The following ARID3A variants were observed in gnomAD, a reference collection of about 807,000 sequenced individuals.
ARID3A encodes AT-rich interactive domain-containing protein 3A.
ARID3A carries 11 observed loss-of-function variants against 52.7 expected under a neutral mutation model. That is an observed-to-expected ratio of 0.21 (90% confidence interval 0.13 to 0.35). ARID3A has a LOEUF of 0.35. Ranked by LOEUF, ARID3A falls within the 10% of genes least tolerant of loss-of-function variation. ARID3A has a pLI of 1.00. For synonymous variants in ARID3A, 404 were observed against 359.4 expected (o/e 1.12, Z -1.40); for missense variants, 721 against 838.5 (o/e 0.86, Z 1.73).
At chr19:966,406 T>C (rs1401238024) in intron 6 of ARID3A, among the ~76,000 whole-genome samples, 166 bp from the exon 7 acceptor site, 7 of 143,712 alleles carry the variant, frequency 4.9e-5, no homozygotes, top group Non-Finnish European at 1.0e-4. Flanking sequence ...TGCGGTGAGC[T>C]GAGATCGCAC....
chr19:958,549 C>T (rs1005107385), intron 3 of ARID3A, among the ~76,000 whole-genome samples: 4 of 152,158 alleles, frequency 2.6e-5, no homozygotes, highest in South Asian at 2.1e-4. Context: ...CATACAATCA[C>T]GTGTTGACAC....
Position 960,083 on chromosome 19 carries a change from C to T in ARID3A, c.694-9C>T, listed in dbSNP as rs959701345. The T allele has an allele frequency of 8.7e-6, 14 of 1,611,500 alleles. No individual in the cohort carries two copies. The highest frequency in any genetic ancestry group is 1.2e-5 in the Non-Finnish European group (14 of 1,178,460). On this transcript the variant is annotated splice_polypyrimidine_tract_variant and intron_variant, in intron 3 of 8. Transcript: ENST00000263620. The surrounding 1 kb of genome is among the most constrained non-coding windows in gnomAD (Gnocchi z 4.3). Reference sequence around the variant, plus strand: ...CACCAACTAACCCATCCCCTCTCCACCCTCACAGCTCTACGAACTCGACGG... The same window carrying T: ...CACCAACTAACCCATCCCCTCTCCATCCTCACAGCTCTACGAACTCGACGG...
At chr19:953,781 A>T (rs550833106) in intron 3 of ARID3A, among the ~76,000 whole-genome samples, 1 of 152,040 alleles carries the variant, frequency 6.6e-6, no homozygotes, top group Non-Finnish European at 1.5e-5. Flanking sequence ...TTTTACATAG[A>T]AAGACGCCAA....
intron 3 of ARID3A, among the ~76,000 whole-genome samples, chr19:935,861 G>A (rs897742855): frequency 6.6e-6 from 1 of 152,184 alleles, no homozygotes; most frequent in African/African-American, 2.4e-5. Context: ...CGCGATCGCG[G>A]CTCACTGCAA....
rs1188478811 is a variant in ARID3A at position 975,118 on chromosome 19, G to A, written c.*3053G>A. Reference sequence around the variant, plus strand: ...TTTAAATTCGGTGTGGCTTTCTGGGGTGCAGCTCAGCACCCCCCCTTATGC... The same window carrying A: ...TTTAAATTCGGTGTGGCTTTCTGGGATGCAGCTCAGCACCCCCCCTTATGC... On this transcript the variant is annotated 3_prime_UTR_variant, in exon 9 of 9. Transcript: ENST00000263620. 8.6e-6 allele frequency: 2 copies of A among 231,332 alleles called. No homozygotes were observed. The highest frequency in any genetic ancestry group is 1.7e-5 in the Non-Finnish European group (2 of 117,076). 14.3% of individuals were successfully genotyped at this position (231,332 alleles called of 1,614,324 possible).
chr19:929,510 T>A lies in ARID3A; in HGVS notation c.-19T>A. ...GTGGTGGTGGTGGTGGTGGTGGTGGTGGCCCGGGCCGCAGGGCCATGAAAC... is the reference window on the plus strand; with the variant it reads ...GTGGTGGTGGTGGTGGTGGTGGTGGAGGCCCGGGCCGCAGGGCCATGAAAC... On this transcript the variant is annotated 5_prime_UTR_variant, in exon 2 of 9. Transcript: ENST00000263620. The surrounding 1 kb of genome is among the most constrained non-coding windows in gnomAD (Gnocchi z 6.2). 2 of 1,328,234 alleles carry A rather than the reference T, an allele frequency of 1.5e-6. No homozygotes were observed. Among genetic ancestry groups the A allele is most frequent in the Non-Finnish European group, 2.0e-6 (2 of 1,020,430 alleles). The allele number at this position is 1,328,234 out of a possible 1,614,324, so 82.3% of individuals were successfully genotyped here. A position where few individuals can be genotyped will look rare whatever the true frequency, so the allele number is the denominator to read the frequency against.
At chr19:927,204 C>T (rs1308187625) in intron 1 of ARID3A, among the ~76,000 whole-genome samples, 6 of 152,034 alleles carry the variant, frequency 3.9e-5, no homozygotes, top group African/African-American at 1.4e-4. Context: ...GGCCCAGGAT[C>T]CCTCCGCCCC....
chr19:930,603 G>A (rs539327845), intron 2 of ARID3A, among the ~76,000 whole-genome samples: 6 of 148,580 alleles, frequency 4.0e-5, no homozygotes, highest in East Asian at 4.2e-4. Context: ...TCCTCCTCCC[G>A]GGTTCACACC....
rs763786581 is a variant in ARID3A at position 929,581 on chromosome 19, G to A, written c.53G>A (p.Arg18His). ...CTGTTGCAGCGGCAGCAGCGGGCGCGCCAGGAGCTGGAGGCCCGGCAGCAG... is the reference window on the plus strand; with the variant it reads ...CTGTTGCAGCGGCAGCAGCGGGCGCACCAGGAGCTGGAGGCCCGGCAGCAG... ...ETLLQRQQRA[R>H]QELEARQQLP... The change falls in exon 2 of 9, where the codon CGC becomes CAC. Residue 18 changes from arginine to histidine, a missense_variant. Arg to His is a conservative substitution (Grantham distance 29). Coordinates refer to ENST00000263620, the MANE Select transcript of ARID3A (RefSeq NM_005224.3). The surrounding 1 kb of genome is among the most constrained non-coding windows in gnomAD (Gnocchi z 6.2). 84 of 1,523,594 alleles carry A rather than the reference G, an allele frequency of 5.5e-5. No individual in the cohort carries two copies. Among genetic ancestry groups the A allele is most frequent in the Middle Eastern group, 2.3e-4 (1 of 4,360 alleles). 94.4% of individuals were successfully genotyped at this position (1,523,594 alleles called of 1,614,324 possible).
intron 3 of ARID3A, among the ~76,000 whole-genome samples, chr19:950,082 C>G (rs71335281): frequency 2.5e-4 from 29 of 115,948 alleles, no homozygotes; most frequent in African/African-American, 5.7e-4. Flanking sequence ...ATGAGGCCGT[C>G]CCCAGAGTGA....
In ARID3A at chr19:941,463, C is replaced by T. The variant is rs2037553656; in HGVS notation, c.693+8721C>T. ...CCGCCTGCGTGTCCCCAGCCAGCACCACGGTGTTCGTTTAGGTCTCTGTGT... is the reference window on the plus strand; with the variant it reads ...CCGCCTGCGTGTCCCCAGCCAGCACTACGGTGTTCGTTTAGGTCTCTGTGT... On this transcript the variant is annotated intron_variant, in intron 3 of 8. Coordinates refer to ENST00000263620, the MANE Select transcript of ARID3A (RefSeq NM_005224.3). The surrounding 1 kb of genome is among the most constrained non-coding windows in gnomAD (Gnocchi z 6.9). Among the ~76,000 whole-genome samples, 1 of 152,224 alleles carries T rather than the reference C, an allele frequency of 6.6e-6. No individual in the cohort carries two copies. Among genetic ancestry groups the T allele is most frequent in the African/African-American group, 2.4e-5 (1 of 41,462 alleles).
At chr19:968,958 C>T (rs1032696093) in intron 8 of ARID3A, among the ~76,000 whole-genome samples, 5 of 151,972 alleles carry the variant, frequency 3.3e-5, no homozygotes, top group African/African-American at 9.7e-5. Context: ...CCAGCCAATC[C>T]CAGCATTTTC....
intron 3 of ARID3A, among the ~76,000 whole-genome samples, chr19:937,281 G>T (rs1297815336): frequency 6.6e-6 from 1 of 152,094 alleles, no homozygotes; most frequent in Non-Finnish European, 1.5e-5. Flanking sequence ...CAAGAACAAA[G>T]AAAAGAAATG....
intron 3 of ARID3A, among the ~76,000 whole-genome samples, chr19:943,932 G>A (rs1322939747): frequency 6.6e-6 from 1 of 152,084 alleles, no homozygotes; most frequent in Non-Finnish European, 1.5e-5. Context: ...GGCACCTGCT[G>A]TATGCCAGCC....
At position 973,103 on chromosome 19, in the gene ARID3A, A is replaced by ATTTTTTTT; in HGVS notation, c.*1038_*1039insTTTTTTTT. On this transcript the variant is annotated 3_prime_UTR_variant, in exon 9 of 9. Coordinates refer to ENST00000263620, the MANE Select transcript of ARID3A (RefSeq NM_005224.3). ...TGGGCTCTCGAGTCAGGGGCCTGGA[A>ATTTTTTTT]ATTTTTTTTTTTTTTTTTTTTTGAG... is the stretch of plus-strand genomic sequence containing the variant. 7.1e-5 allele frequency: 1 copy of ATTTTTTTT among 14,008 alleles called. No individual in the cohort carries two copies. Among genetic ancestry groups the ATTTTTTTT allele is most frequent in the East Asian group, 1.7e-3 (1 of 582 alleles). The allele number at this position is 14,008 out of a possible 1,614,324, so 0.9% of individuals were successfully genotyped here. A position where few individuals can be genotyped will look rare whatever the true frequency, so the allele number is the denominator to read the frequency against.
chr19:950,639 A>C (rs1360293312), intron 3 of ARID3A, among the ~76,000 whole-genome samples: 2 of 152,220 alleles, frequency 1.3e-5, no homozygotes, highest in African/African-American at 2.4e-5. Context: ...ACCGTGGAGC[A>C]GGGGAGAGAC....
chr19:966,195 C>T (rs989096605), intron 6 of ARID3A, among the ~76,000 whole-genome samples: 4 of 150,376 alleles, frequency 2.7e-5, no homozygotes, highest in Non-Finnish European at 5.9e-5. Flanking sequence ...CGCGGTGGCT[C>T]ACGCCTGTAA....
intron 3 of ARID3A, among the ~76,000 whole-genome samples, chr19:936,170 T>G (rs2037434781): frequency 6.6e-6 from 1 of 152,244 alleles, no homozygotes; most frequent in South Asian, 2.1e-4. Flanking sequence ...TCTCAACAAT[T>G]CTAATAAGTG....
rs148732948 is a variant in ARID3A, at chr19:957,797, T to C, written c.694-2295T>C. On this transcript the variant is annotated intron_variant, in intron 3 of 8. Transcript: ENST00000263620. ...AGGTTGAGGCTGCAGTGAGCTATGA[T>C]TGCGCCACTGCACTCCAGGCTGGGC... Among the ~76,000 whole-genome samples, 611 of 152,256 alleles carry C rather than the reference T, an allele frequency of 4.0e-3. 5 individuals carry two copies. Among genetic ancestry groups the C allele is most frequent in the Middle Eastern group, 0.027 (8 of 294 alleles).
Sources: allele counts gnomAD v4.1 joint callset (sites outside exome capture counted in the v4.1 genomes callset), GRCh38; gene constraint gnomAD v4.1.1; non-coding constraint Gnocchi (gnomAD v3.1); transcripts MANE v1.5; gene names NCBI Gene and HGNC (gene_info 2026-07-23, HGNC 2026-07-21).